WARS1: variants seen among roughly 807,000 people sequenced by gnomAD.
WARS1 encodes the protein tryptophanyl-tRNA synthetase 1, also known as tryptophan--tRNA ligase, cytoplasmic.
WARS1 carries 17 observed loss-of-function variants against 47.8 expected under a neutral mutation model. That is an observed-to-expected ratio of 0.36 (90% CI 0.24 to 0.53). WARS1 has a LOEUF of 0.53. Ranked by LOEUF, WARS1 falls within the 20% of genes least tolerant of loss-of-function variation. The probability of loss-of-function intolerance (pLI) is 0.91; values close to 1 mark genes in which losing one functional copy is unlikely to be tolerated. For missense variants in WARS1, 434 were observed against 608.0 expected (o/e 0.71, Z 3.01); for synonymous variants, 208 against 228.1 (o/e 0.91, Z 0.79).
At chr14:100,338,746 TA>T (rs960484587) in intron 9 of WARS1, among the ~76,000 whole-genome samples, 1 of 151,962 alleles carries the variant, frequency 6.6e-6, no homozygotes, top group African/African-American at 2.4e-5. Context: ...AACTTTTTTT[TA>T]ATGGGAAAAA....
At chr14:100,345,020 G>A (rs1452378587) in intron 7 of WARS1, among the ~76,000 whole-genome samples, 2 of 147,516 alleles carry the variant, frequency 1.4e-5, no homozygotes, top group African/African-American at 2.5e-5. Flanking sequence ...CCCCCCGCCC[G>A]GCCAGCCGCC....
At position 100,337,319 on chromosome 14, in the gene WARS1, G is replaced by A. The variant is rs1334174753; in HGVS notation, c.1114-117C>T. The stretch of plus-strand genomic sequence containing the variant: ...GTGAGTGCTGTCAGATTCTGGACCC[G>A]GGAAAGGCCAAGGCGCACAGCCGGT... On this transcript the variant is annotated intron_variant, in intron 9 of 10. Transcript: ENST00000392882. The A allele has an allele frequency of 3.4e-6, 5 of 1,465,560 alleles. No homozygotes were observed. In the South Asian group the frequency reaches 3.8e-5, roughly 11 times the overall value. 90.8% of individuals were successfully genotyped at this position (1,465,560 alleles called of 1,614,324 possible).
intron 6 of WARS1, among the ~76,000 whole-genome samples, chr14:100,351,568 G>A (rs1014470629): frequency 6.6e-6 from 1 of 151,658 alleles, no homozygotes; most frequent in African/African-American, 2.4e-5. Flanking sequence ...CCCATTTCAT[G>A]GACACGGCTG....
intron 9 of WARS1, chr14:100,342,018 G>C (rs1366700009): frequency 3.5e-6 from 1 of 287,440 alleles, no homozygotes; most frequent in Non-Finnish European, 7.0e-6. Context: ...CCAGCCGCTG[G>C]AACACAGCTG....
intron 2 of WARS1, among the ~76,000 whole-genome samples, chr14:100,365,315 C>T (rs1254065214): frequency 6.6e-6 from 1 of 152,054 alleles, no homozygotes; most frequent in Admixed American, 6.6e-5. Flanking sequence ...CGTGGTGGCT[C>T]ACACCTGTCA....
intron 4 of WARS1, among the ~76,000 whole-genome samples, chr14:100,354,787 A>G (rs984440942): frequency 2.0e-5 from 3 of 152,212 alleles, no homozygotes; most frequent in African/African-American, 7.2e-5. Context: ...TAGGTTTGGA[A>G]TAATGTGTTT....
At chr14:100,351,078 G>A (rs1055620707) in intron 6 of WARS1, among the ~76,000 whole-genome samples, 3 of 152,148 alleles carry the variant, frequency 2.0e-5, no homozygotes, top group South Asian at 2.1e-4. Flanking sequence ...GAAAGGGCTC[G>A]TGTGCCAAGT....
chr14:100,338,913 C>A (rs571830884), intron 9 of WARS1, among the ~76,000 whole-genome samples: 119 of 150,478 alleles, frequency 7.9e-4, no homozygotes, highest in African/African-American at 2.8e-3. Flanking sequence ...TTGAGACCAG[C>A]CTGACCAACA....
intron 6 of WARS1, among the ~76,000 whole-genome samples, chr14:100,352,108 C>CTT (rs1172421175): frequency 0.014 from 1,319 of 94,238 alleles, 96 homozygotes; most frequent in Middle Eastern, 0.026. Flanking sequence ...CAGTTTCTTT[C>CTT]TTTTTTTTTT....
At chr14:100,369,016 C>T in intron 2 of WARS1, 71 bp downstream of exon 2, 1 of 1,173,028 alleles carries the variant, frequency 8.5e-7, no homozygotes. Flanking sequence ...ACCATCTATT[C>T]TAGAGGAACA....
intron 2 of WARS1, among the ~76,000 whole-genome samples, chr14:100,364,175 G>C (rs764437856): frequency 5.9e-5 from 9 of 152,152 alleles, no homozygotes; most frequent in Non-Finnish European, 7.3e-5. Context: ...GGTATATTTT[G>C]ATTTTAGAAG....
rs1893590693 is a variant in WARS1 at position 100,334,739 on chromosome 14, T to C, written c.*136A>G. On this transcript the variant is annotated 3_prime_UTR_variant, in exon 11 of 11. Coordinates refer to ENST00000392882, the MANE Select transcript of WARS1 (RefSeq NM_004184.4). The stretch of plus-strand genomic sequence containing the variant: ...ACAGGAAGAAACAGTATTGATAACA[T>C]ACACAGGCTTACAGAGGCCAGGCCC... 1.1e-6 allele frequency: 1 copy of C among 945,792 alleles called. No homozygotes were observed. The highest frequency in any genetic ancestry group is 2.6e-5 in the Admixed American group (1 of 38,660). 58.6% of individuals were successfully genotyped at this position (945,792 alleles called of 1,614,324 possible). A position where few individuals can be genotyped will look rare whatever the true frequency, so the allele number is the denominator to read the frequency against.
At position 100,347,299 on chromosome 14, in the gene WARS1, C is replaced by T. The variant is rs937826086; in HGVS notation, c.726-453G>A. ...TGTCGGATGAGCGTATGGATAGAAA[C>T]CCACGGCCCGAGAAGGAGGAAGGCC... is the stretch of plus-strand genomic sequence containing the variant. On this transcript the variant is annotated intron_variant, in intron 6 of 10. Transcript: ENST00000392882. Among the ~76,000 whole-genome samples the T allele has an allele frequency of 2.0e-5, 3 of 152,140 alleles. 1 individual carries two copies. The highest frequency in any genetic ancestry group is 2.0e-4 in the Admixed American group (3 of 15,280).
intron 2 of WARS1, chr14:100,365,870 T>C (rs78919453): frequency 1.6e-5 from 6 of 366,836 alleles, no homozygotes; most frequent in African/African-American, 1.1e-4. Flanking sequence ...TGCTAAGACA[T>C]CATGGAAATA....
At chr14:100,357,047 A>G (rs772579297) in intron 4 of WARS1, among the ~76,000 whole-genome samples, 2 of 152,248 alleles carry the variant, frequency 1.3e-5, no homozygotes, top group African/African-American at 2.4e-5. Flanking sequence ...AATAAAATAG[A>G]GGCCAAAACC....
chr14:100,338,251 T>C (rs1332713967), intron 9 of WARS1, among the ~76,000 whole-genome samples: 1 of 152,096 alleles, frequency 6.6e-6, no homozygotes, highest in Non-Finnish European at 1.5e-5. Context: ...TCAGTGAGCA[T>C]CTGAGAAAAT....
intron 4 of WARS1, among the ~76,000 whole-genome samples, chr14:100,358,122 T>C (rs1008516838): frequency 1.3e-5 from 2 of 152,134 alleles, no homozygotes; most frequent in Admixed American, 1.3e-4. Flanking sequence ...AAGAACCATG[T>C]TTGAGTACTC....
chr14:100,348,586 T>C (rs1183765279), intron 6 of WARS1, among the ~76,000 whole-genome samples: 2 of 152,138 alleles, frequency 1.3e-5, no homozygotes, highest in Non-Finnish European at 2.9e-5. Context: ...GCGGCCTTTG[T>C]CCTCCTGCCA....
At chr14:100,359,569 A>G (rs1299706884) in intron 4 of WARS1, among the ~76,000 whole-genome samples, 1 of 152,226 alleles carries the variant, frequency 6.6e-6, no homozygotes, top group Non-Finnish European at 1.5e-5. Context: ...GGAATGCTAA[A>G]CTTGTGGGAG....
Sources: gnomAD v4.1 joint callset for allele counts (sites outside exome capture counted in the v4.1 genomes callset) on GRCh38, gnomAD v4.1.1 for gene constraint, MANE v1.5 for transcripts, NCBI Gene and HGNC (gene_info 2026-07-23, HGNC 2026-07-21) for gene names.